Variants in DAW1 observed in about 807,000 individuals in gnomAD.
DAW1 encodes the protein dynein assembly factor with WD repeat domains 1.
A neutral mutation model predicts 56.5 loss-of-function variants in DAW1; 47 were observed. The ratio of observed to expected loss-of-function variants is 0.83; its 90% confidence interval spans 0.66 to 1.06. The LOEUF is 1.06. DAW1 is among the 50% of genes least tolerant of loss of function. The pLI is 0.00. For synonymous variants in DAW1, 190 were observed against 179.0 expected, an observed-to-expected ratio of 1.06 and a Z score of -0.49; for missense variants, 505 against 499.3, an observed-to-expected ratio of 1.01 and a Z score of -0.11.
At chr2:227,921,958 C>T (rs1301877332) in intron 12 of DAW1, among the ~76,000 whole-genome samples, 1 of 152,140 alleles carries the variant, frequency 6.6e-6, no homozygotes, top group East Asian at 1.9e-4. Context: ...TTGAGGCCAG[C>T]CTGGGCAACA....
intron 5 of DAW1, 147 bp downstream of exon 5, chr2:227,894,064 C>A: frequency 1.2e-6 from 1 of 800,152 alleles, no homozygotes; most frequent in Non-Finnish European, 1.9e-6. Flanking sequence ...TCCTTCAAAG[C>A]TTAAAAGGGT....
intron 10 of DAW1, among the ~76,000 whole-genome samples, chr2:227,918,000 A>G (rs969900301): frequency 2.0e-5 from 3 of 152,240 alleles, no homozygotes; most frequent in South Asian, 4.1e-4. Context: ...GGCAAGGCAA[A>G]TTGTAAGTTT....
chr2:227,889,924 A>C lies in DAW1; in HGVS notation c.182A>C (p.Glu61Ala). ...CCTCTACTCACAGCTTCACGAACAG[A>C]GCAAGTCAAACTTTTGATACAGAGG... ...AEPLLTASRT[E>A]QVKLLIQRLQ... The change falls in exon 3 of 13, where the codon GAG becomes GCG. Residue 61 changes from glutamate to alanine, a missense_variant. By Grantham distance (107) the Glu-to-Ala change is moderately radical. Transcript: ENST00000309931. 1 of 1,610,386 alleles carries C rather than the reference A, an allele frequency of 6.2e-7. No individual in the cohort carries two copies. The highest frequency in any genetic ancestry group is 8.5e-7 in the Non-Finnish European group (1 of 1,178,762).
At chr2:227,878,745 A>T (rs185050398) in intron 1 of DAW1, among the ~76,000 whole-genome samples, 1 of 117,004 alleles carries the variant, frequency 8.5e-6, no homozygotes. Flanking sequence ...AGAAGAAAAT[A>T]TGTCGATCCC....
intron 1 of DAW1, among the ~76,000 whole-genome samples, chr2:227,875,015 A>G (rs549466081): frequency 1.9e-4 from 29 of 151,958 alleles, no homozygotes; most frequent in Non-Finnish European, 2.2e-4. Context: ...ACCATCCCGC[A>G]TAGTCCTGAG....
At chr2:227,908,985 C>T (rs1691752712) in intron 10 of DAW1, among the ~76,000 whole-genome samples, 1 of 152,136 alleles carries the variant, frequency 6.6e-6, no homozygotes. Context: ...ACATATGATG[C>T]TATATTGTAT....
chr2:227,871,700 A>G lies in DAW1; in HGVS notation c.11A>G (p.Lys4Arg). The change falls in exon 1 of 13, where the codon AAG becomes AGG. Residue 4 changes from lysine to arginine, a missense_variant. Physicochemically the swap from Lys to Arg is conservative, Grantham distance 26. Coordinates refer to ENST00000309931, the MANE Select transcript of DAW1 (RefSeq NM_178821.3). ...TAAGAGAGCAAGAAAATGAAGCTCA[A>G]GAGCCTCCTGCTCCGGTATTACCCG... MKL[K>R]SLLLRYYPPG... The G allele has an allele frequency of 1.2e-6, 2 of 1,613,912 alleles. No individual in the cohort carries two copies. Among genetic ancestry groups the G allele is most frequent in the Non-Finnish European group, 1.7e-6 (2 of 1,179,910 alleles).
intron 10 of DAW1, among the ~76,000 whole-genome samples, chr2:227,908,411 GTTT>G (rs1691736844): frequency 6.6e-6 from 1 of 152,112 alleles, no homozygotes; most frequent in African/African-American, 2.4e-5. Context: ...GCTATATGAT[GTTT>G]TTATTATCTC....
At chr2:227,906,155 A>G (rs752575579) in intron 8 of DAW1, 81 bp from the exon 9 acceptor site, 47 of 1,078,080 alleles carry the variant, frequency 4.4e-5, no homozygotes, top group Non-Finnish European at 6.0e-5. Flanking sequence ...TAGCTTACAC[A>G]GATGGGCTTG....
In DAW1 at chr2:227,889,966, G is replaced by A. The variant is rs373453236; in HGVS notation, c.224G>A (p.Gly75Asp). 5.7e-5 allele frequency: 91 copies of A among 1,599,524 alleles called. No homozygotes were observed. The Middle Eastern group carries it at 2.5e-3, about 44-fold the overall frequency. ...ATACAGAGGTTGCAAGAGAAACTCG[G>A]CCAGAACAGCAATCACACGTTCTAT... is the stretch of plus-strand genomic sequence containing the variant. ...LLIQRLQEKL[G>D]QNSNHTFYLF... Residue 75 changes from glycine (G) to aspartate (D), a missense_variant, in exon 3 of 13, where the codon GGC (glycine) becomes GAC (aspartate). Physicochemically the swap from Gly to Asp is moderately conservative, Grantham distance 94 (BLOSUM62 -1). Transcript: ENST00000309931.
At chr2:227,910,805 A>G (rs1298961362) in intron 10 of DAW1, among the ~76,000 whole-genome samples, 2 of 152,062 alleles carry the variant, frequency 1.3e-5, no homozygotes, top group African/African-American at 4.8e-5. Flanking sequence ...CCTGACTACT[A>G]TTTATGATGC....
At chr2:227,911,260 G>GTA (rs1419852303) in intron 10 of DAW1, among the ~76,000 whole-genome samples, 26,699 of 127,924 alleles carry the variant, frequency 0.21, 6,811 homozygotes, top group Non-Finnish European at 0.25. Flanking sequence ...ATATACACGT[G>GTA]TATATACACA....
intron 2 of DAW1, among the ~76,000 whole-genome samples, chr2:227,886,403 G>T (rs1691131223): frequency 6.6e-6 from 1 of 152,128 alleles, no homozygotes; most frequent in African/African-American, 2.4e-5. Context: ...GGTCACTTGA[G>T]GTCAGGAGTT....
At chr2:227,915,874 G>A (rs987410442) in intron 10 of DAW1, among the ~76,000 whole-genome samples, 4 of 151,964 alleles carry the variant, frequency 2.6e-5, no homozygotes, top group Non-Finnish European at 5.9e-5. Flanking sequence ...TCTATATCAT[G>A]TCCTTGAAAA....
chr2:227,891,808 G>T (rs1228313605), intron 4 of DAW1, among the ~76,000 whole-genome samples: 1 of 152,194 alleles, frequency 6.6e-6, no homozygotes, highest in Admixed American at 6.6e-5. Flanking sequence ...TAAGCAGTTT[G>T]CTAAGGCTTC....
chr2:227,878,366 T>C (rs1434685345), intron 1 of DAW1, among the ~76,000 whole-genome samples: 1 of 152,242 alleles, frequency 6.6e-6, no homozygotes, highest in East Asian at 1.9e-4. Flanking sequence ...TTAAAGTATG[T>C]ATCTTTCTTG....
chr2:227,907,764 T>C (rs538517911), intron 10 of DAW1, among the ~76,000 whole-genome samples: 1 of 152,278 alleles, frequency 6.6e-6, no homozygotes, highest in African/African-American at 2.4e-5. Flanking sequence ...GCCAGGCTGG[T>C]CTCGAACTCC....
chr2:227,894,109 A>G (rs1691350334), intron 5 of DAW1, among the ~76,000 whole-genome samples, 192 bp downstream of exon 5: 2 of 152,120 alleles, frequency 1.3e-5, no homozygotes, highest in Non-Finnish European at 1.5e-5. Context: ...CATATAGAAT[A>G]CAAGGTTTAA....
intron 6 of DAW1, among the ~76,000 whole-genome samples, chr2:227,900,892 T>A (rs1298272938): frequency 6.6e-6 from 1 of 152,140 alleles, no homozygotes; most frequent in African/African-American, 2.4e-5. Flanking sequence ...CAAATTCAGG[T>A]CACAGGGTGT....
Sources: gnomAD v4.1 joint callset for allele counts (sites outside exome capture counted in the v4.1 genomes callset) on GRCh38, gnomAD v4.1.1 for gene constraint, MANE v1.5 for transcripts, NCBI Gene and HGNC (gene_info 2026-07-23, HGNC 2026-07-21) for gene names.